Variants in FAM9B observed in about 807,000 individuals in gnomAD.
FAM9B encodes the protein protein FAM9B.
FAM9B carries 18 observed loss-of-function variants against 16.6 expected under a neutral mutation model. That is an observed-to-expected ratio of 1.09 (90% CI 0.75 to 1.61). FAM9B has a LOEUF of 1.61. Among genes scored for constraint, FAM9B ranks in the 40% most tolerant of loss-of-function variants. FAM9B has a pLI of 0.00. For synonymous variants in FAM9B, 43 were observed against 42.6 expected (o/e 1.01, Z -0.03); for missense variants, 155 against 136.0 (o/e 1.14, Z -0.70).
chrX:9,033,181 T>C, intron 1 of FAM9B, 106 bp from the exon 2 acceptor site: 1 of 1,153,648 alleles, frequency 8.7e-7, no homozygotes, highest in Non-Finnish European at 1.2e-6. Flanking sequence ...CCGCCCTGGG[T>C]CTCATGTGGG....
chrX:9,033,137 T>C (rs1358587694), intron 1 of FAM9B, 62 bp from the exon 2 acceptor site: 14 of 1,172,545 alleles, frequency 1.2e-5, no homozygotes, highest in African/African-American at 8.9e-5. Flanking sequence ...AGGAAAGCCA[T>C]TGGGATCACA....
intron 7 of FAM9B, 57 bp from the exon 8 acceptor site, chrX:9,025,640 A>G (rs1191272812): frequency 1.1e-6 from 1 of 924,665 alleles, no homozygotes; most frequent in Non-Finnish European, 1.5e-6. Context: ...CGCATTTTAA[A>G]CAGGGTTAAT....
intron 7 of FAM9B, among the ~76,000 whole-genome samples, chrX:9,027,265 C>A (rs1920975995): frequency 1.8e-5 from 2 of 111,762 alleles, no homozygotes; most frequent in African/African-American, 6.5e-5. Flanking sequence ...ATAAAACACT[C>A]CTGTGTTTCA....
chrX:9,032,201 C>T (rs779317137), intron 3 of FAM9B, 40 bp from the exon 4 acceptor site: 44 of 1,195,365 alleles, frequency 3.7e-5, no homozygotes, highest in Non-Finnish European at 4.8e-5. Context: ...CAAAATACTA[C>T]ACAAAATGCC....
Position 9,030,367 on chromosome X carries a change from T to G in FAM9B, c.182-7A>C. 8.6e-7 allele frequency: 1 copy of G among 1,162,387 alleles called. No individual in the cohort carries two copies. Among genetic ancestry groups the G allele is most frequent in the African/African-American group, 1.8e-5 (1 of 56,617 alleles). ...CTTTTTGCAGTAAGATCCTCTTTAATGTCAGTTAGATAGTAAATGAAAATG... is the reference window on the plus strand; with the variant it reads ...CTTTTTGCAGTAAGATCCTCTTTAAGGTCAGTTAGATAGTAAATGAAAATG... On this transcript the variant is annotated splice_region_variant and splice_polypyrimidine_tract_variant and intron_variant, in intron 4 of 8. Coordinates refer to ENST00000327220, the MANE Select transcript of FAM9B (RefSeq NM_205849.3).
In FAM9B at chrX:9,033,837, C is replaced by T. The variant is rs1454658131; in HGVS notation, c.-90+15G>A. On this transcript the variant is annotated intron_variant, in intron 1 of 8. Coordinates refer to ENST00000327220, the MANE Select transcript of FAM9B (RefSeq NM_205849.3). ...TCGTGCCTGCGTTCCCGCCTCCCCA[C>T]CACGAGTGCTTCACCTGAGGGACCC... 2.7e-6 allele frequency: 2 copies of T among 753,396 alleles called. No homozygotes were observed. The highest frequency in any genetic ancestry group is 3.1e-6 in the Non-Finnish European group (2 of 639,179). The allele number at this position is 753,396 out of a possible 1,213,427, so 62.1% of individuals were successfully genotyped here.
Position 9,027,986 on chromosome X carries a change from T to C in FAM9B, c.394-20A>G. 2 of 1,112,452 alleles carry C rather than the reference T, an allele frequency of 1.8e-6. No homozygotes were observed. Among genetic ancestry groups the C allele is most frequent in the Non-Finnish European group, 2.5e-6 (2 of 808,533 alleles). The allele number at this position is 1,112,452 out of a possible 1,213,427, so 91.7% of individuals were successfully genotyped here. A position where few individuals can be genotyped will look rare whatever the true frequency, so the allele number is the denominator to read the frequency against. ...TATTCTCTAGAATCCCAAAACAAAA[T>C]AGTGATAAAAATTGGGTAAATTTTA... On this transcript the variant is annotated intron_variant, in intron 6 of 8. Coordinates refer to ENST00000327220, the MANE Select transcript of FAM9B (RefSeq NM_205849.3).
chrX:9,028,238 G>A (rs112049358), intron 6 of FAM9B, among the ~76,000 whole-genome samples: 17 of 112,078 alleles, frequency 1.5e-4, no homozygotes, highest in African/African-American at 5.5e-4. Flanking sequence ...CCAATGAAGA[G>A]TATTTGATGA....
At chrX:9,030,539 A>G (rs1921039615) in intron 4 of FAM9B, 179 bp from the exon 5 acceptor site, 1 of 347,223 alleles carries the variant, frequency 2.9e-6, no homozygotes, top group Non-Finnish European at 4.9e-6. Context: ...TATTTTCTGT[A>G]AAACCTTTCA....
chrX:9,025,521 A>G lies in FAM9B; in HGVS notation c.555T>C (p.Asp185=). ...ATTTTATTTAAAAACATGTCTAGTT[A>G]TCAAGTTCACTGTCTTCATCGGAAA... ...RVFSDEDSEL[D]N Residue 185 remains aspartate (D), a synonymous_variant, in exon 8 of 9, where the codon GAT becomes GAC. Transcript: ENST00000327220. The G allele has an allele frequency of 8.3e-7, 1 of 1,203,229 alleles. No individual in the cohort carries two copies.
At chrX:9,028,614 G>A (rs1487781272) in intron 6 of FAM9B, among the ~76,000 whole-genome samples, 3 of 111,806 alleles carry the variant, frequency 2.7e-5, no homozygotes, top group Admixed American at 9.5e-5. Flanking sequence ...CAACTCTGAC[G>A]TAGGTACTCT....
rs926841294 is a variant in FAM9B, at chrX:9,024,643, G to A, written c.*766C>T. 1 of 111,797 alleles carries A rather than the reference G, an allele frequency of 8.9e-6. No individual in the cohort carries two copies. The highest frequency in any genetic ancestry group is 3.2e-5 in the African/African-American group (1 of 30,796). 9.2% of individuals were successfully genotyped at this position (111,797 alleles called of 1,213,427 possible). A position where few individuals can be genotyped will look rare whatever the true frequency, so the allele number is the denominator to read the frequency against. On this transcript the variant is annotated 3_prime_UTR_variant, in exon 9 of 9. Coordinates refer to ENST00000327220, the MANE Select transcript of FAM9B (RefSeq NM_205849.3). Reference sequence around the variant, plus strand: ...TGGAATTGCCTCTTTATCCTAATGAGTAAATACAAAAGAACGCACAGATAA... The same window carrying A: ...TGGAATTGCCTCTTTATCCTAATGAATAAATACAAAAGAACGCACAGATAA...
At chrX:9,025,934 A>G (rs1260097185) in intron 7 of FAM9B, among the ~76,000 whole-genome samples, 2 of 111,584 alleles carry the variant, frequency 1.8e-5, no homozygotes, top group Non-Finnish European at 3.8e-5. Context: ...CGACCCATGT[A>G]TTATCAGCAA....
At chrX:9,032,228 G>C (rs1160131556) in intron 3 of FAM9B, 67 bp from the exon 4 acceptor site, 10 of 1,194,543 alleles carry the variant, frequency 8.4e-6, no homozygotes, top group Non-Finnish European at 1.1e-5. Flanking sequence ...GTTGGGAAAA[G>C]AAATGTCTTA....
At chrX:9,026,303 G>A (rs1329536606) in intron 7 of FAM9B, among the ~76,000 whole-genome samples, 1 of 111,668 alleles carries the variant, frequency 9.0e-6, no homozygotes, top group Non-Finnish European at 1.9e-5. Flanking sequence ...AAAGTATTGT[G>A]AGGGAAGAGC....
intron 1 of FAM9B, chrX:9,033,453 G>A: frequency 6.3e-6 from 5 of 796,750 alleles, no homozygotes; most frequent in Non-Finnish European, 7.8e-6. Context: ...ACTGCCACTC[G>A]CCCCCCTGGA....
At chrX:9,031,723 T>C (rs1602138459) in intron 4 of FAM9B, 2 of 120,679 alleles carry the variant, frequency 1.7e-5, no homozygotes, top group Admixed American at 1.7e-4. Context: ...CCCTGTGACA[T>C]GCAATTTATC....
chrX:9,028,809 A>T (rs914742618), intron 6 of FAM9B, among the ~76,000 whole-genome samples: 2 of 111,098 alleles, frequency 1.8e-5, no homozygotes, highest in African/African-American at 6.6e-5. Context: ...CAACTTCCCA[A>T]CATACAGCCA....
At chrX:9,026,978 G>C (rs895136342) in intron 7 of FAM9B, among the ~76,000 whole-genome samples, 1 of 111,516 alleles carries the variant, frequency 9.0e-6, no homozygotes, top group Non-Finnish European at 1.9e-5. Context: ...GTGTAGAGAA[G>C]TGACATATGA....
Sources: gnomAD v4.1 joint callset for allele counts (sites outside exome capture counted in the v4.1 genomes callset) on GRCh38, gnomAD v4.1.1 for gene constraint, MANE v1.5 for transcripts, NCBI Gene and HGNC (gene_info 2026-07-23, HGNC 2026-07-21) for gene names.